The following CDH3 variants were observed in gnomAD, a reference collection of about 807,000 sequenced individuals.
CDH3 encodes cadherin-3.
CDH3 carries 54 observed loss-of-function variants against 82.0 expected under a neutral mutation model. That is an observed-to-expected ratio of 0.66 (90% CI 0.53 to 0.83). CDH3 has a LOEUF of 0.83. Among genes scored for constraint, CDH3 ranks in the 40% least tolerant of loss-of-function variants. CDH3 has a pLI of 0.00. For synonymous variants in CDH3, 446 were observed against 437.9 expected, an observed-to-expected ratio of 1.02 and a Z score of -0.23; for missense variants, 1,054 against 1,084.6, an observed-to-expected ratio of 0.97 and a Z score of 0.40.
intron 2 of CDH3, among the ~76,000 whole-genome samples, chr16:68,653,997 GT>G (rs1160700285): frequency 6.6e-6 from 1 of 151,738 alleles, no homozygotes; most frequent in East Asian, 1.9e-4. Context: ...GATTACAGGC[GT>G]GAGTCACTGC....
chr16:68,680,976 T>G lies in CDH3; in HGVS notation c.876T>G (p.Pro292=). The change falls in exon 8 of 16, where the codon CCT becomes CCG. Residue 292 remains proline (P), a synonymous_variant. Transcript: ENST00000264012. ...CTCTCCTTTCTCCCCAGAAAGTCCC[T>G]GAGTACACACTGACCATCCAGGCCA... ...ISSGLDREKV[P]EYTLTIQATD... 1 of 1,614,072 alleles carries G rather than the reference T, an allele frequency of 6.2e-7. No individual in the cohort carries two copies. Among genetic ancestry groups the G allele is most frequent in the Non-Finnish European group, 8.5e-7 (1 of 1,179,992 alleles).
chr16:68,659,618 A>G (rs551686543), intron 2 of CDH3, among the ~76,000 whole-genome samples: 25 of 151,964 alleles, frequency 1.6e-4, no homozygotes, highest in African/African-American at 6.0e-4. Flanking sequence ...CGGGAGGCAG[A>G]GGTTGCAGTG....
the CDH3 span, among the ~76,000 whole-genome samples, chr16:68,733,406 G>A: frequency 1.3e-5 from 2 of 151,944 alleles, no homozygotes; most frequent in Non-Finnish European, 2.9e-5. Flanking sequence ...TGCGATTACA[G>A]TTGTGAGCCA....
In CDH3 at chr16:68,652,645, T is replaced by G. The variant is rs77837462; in HGVS notation, c.160+6895T>G. On this transcript the variant is annotated intron_variant, in intron 2 of 15. Transcript: ENST00000264012. ...GTGCAGCCCGATGAACATCGCAAAC[T>G]TAAAACCCCTGTGTTTCTGGCGCAC... Among the ~76,000 whole-genome samples, 929 of 152,246 alleles carry G rather than the reference T, an allele frequency of 6.1e-3. 6 individuals carry two copies. The highest frequency in any genetic ancestry group is 0.011 in the Non-Finnish European group (719 of 68,022).
At chr16:68,665,466 G>GT (rs1346481345) in intron 2 of CDH3, among the ~76,000 whole-genome samples, 4 of 152,110 alleles carry the variant, frequency 2.6e-5, no homozygotes, top group African/African-American at 9.7e-5. Context: ...AAGCACCTGG[G>GT]GGTGTGTGTG....
At chr16:68,676,524 C>A in intron 3 of CDH3, 54 bp downstream of exon 3, 2 of 1,414,878 alleles carry the variant, frequency 1.4e-6, no homozygotes, top group African/African-American at 1.4e-5. Flanking sequence ...CTGTGCATGC[C>A]CAAATTGCTG....
intron 2 of CDH3, chr16:68,651,253 A>C (rs919826798): frequency 1.3e-5 from 7 of 539,118 alleles, no homozygotes; most frequent in Non-Finnish European, 2.6e-5. Flanking sequence ...GTTGGTGCCC[A>C]GCTTGGTGTC....
At position 68,651,657 on chromosome 16, in the gene CDH3, A is replaced by C. The variant is rs1483882487; in HGVS notation, c.160+5907A>C. 12 of 506,694 alleles carry C rather than the reference A, an allele frequency of 2.4e-5. 1 individual carries two copies. In the Admixed American group the frequency reaches 2.7e-4, roughly 11 times the overall value. The allele number at this position is 506,694 out of a possible 1,614,324, so 31.4% of individuals were successfully genotyped here. ...GGCCTCAAACAGGTCCATGGGGTTC[A>C]TGCCATAGCTGACTATGGCCTTGAT... is the stretch of plus-strand genomic sequence containing the variant. On this transcript the variant is annotated intron_variant, in intron 2 of 15. Coordinates refer to ENST00000264012, the MANE Select transcript of CDH3 (RefSeq NM_001793.6).
rs373351410 is a variant in CDH3 at position 68,645,344 on chromosome 16, C to T, written c.-36C>T. 1,020 of 1,608,774 alleles carry T rather than the reference C, an allele frequency of 6.3e-4. No homozygotes were observed. Among genetic ancestry groups the T allele is most frequent in the Non-Finnish European group, 8.1e-4 (949 of 1,176,896 alleles). On this transcript the variant is annotated 5_prime_UTR_variant, in exon 1 of 16. Coordinates refer to ENST00000264012, the MANE Select transcript of CDH3 (RefSeq NM_001793.6). ...AGAGCTGAGCGGAACACCGGCCCGCCGTCGCGGCAGCTGCTTCACCCCTCT... is the reference window on the plus strand; with the variant it reads ...AGAGCTGAGCGGAACACCGGCCCGCTGTCGCGGCAGCTGCTTCACCCCTCT...
At chr16:68,676,555 GT>G in intron 3 of CDH3, 85 bp downstream of exon 3, 1 of 1,071,158 alleles carries the variant, frequency 9.3e-7, no homozygotes, top group Non-Finnish European at 1.4e-6. Flanking sequence ...CTTGGTTGCT[GT>G]GGCCATTGTG....
intron 2 of CDH3, among the ~76,000 whole-genome samples, chr16:68,659,333 T>C (rs1960496690): frequency 6.6e-6 from 1 of 151,168 alleles, no homozygotes; most frequent in Non-Finnish European, 1.5e-5. Flanking sequence ...CTGTGGGAGG[T>C]TGAGGTGGGA....
chr16:68,686,417 T>C, intron 11 of CDH3: 2 of 1,369,978 alleles, frequency 1.5e-6, no homozygotes, highest in Non-Finnish European at 2.1e-6. Context: ...TTCCACTCTT[T>C]GACCGAGTAT....
intron 9 of CDH3, 26 bp from the exon 10 acceptor site, chr16:68,684,557 A>G (rs1252016889): frequency 6.2e-7 from 1 of 1,614,018 alleles, no homozygotes; most frequent in Non-Finnish European, 8.5e-7. Context: ...ATGGTGGTCC[A>G]GGTCCTTCTT....
At chr16:68,674,948 A>G (rs1313299064) in intron 2 of CDH3, among the ~76,000 whole-genome samples, 3 of 140,474 alleles carry the variant, frequency 2.1e-5, no homozygotes, top group Admixed American at 7.2e-5. Flanking sequence ...CCCCATCTCT[A>G]CTAAAAATAC....
chr16:68,659,721 T>G (rs933884370), intron 2 of CDH3, among the ~76,000 whole-genome samples: 2 of 150,492 alleles, frequency 1.3e-5, no homozygotes, highest in Non-Finnish European at 1.5e-5. Context: ...GAAAAAGAAA[T>G]AAACACGTGA....
At chr16:68,688,964 A>G (rs1315666244) in intron 12 of CDH3, among the ~76,000 whole-genome samples, 1 of 152,188 alleles carries the variant, frequency 6.6e-6, no homozygotes, top group Non-Finnish European at 1.5e-5. Context: ...ATGGTGTGGA[A>G]AATAAAAAGC....
At chr16:68,688,493 C>CAG (rs1437524542) in intron 12 of CDH3, among the ~76,000 whole-genome samples, 1 of 152,142 alleles carries the variant, frequency 6.6e-6, no homozygotes, top group East Asian at 1.9e-4. Context: ...GAGGCTGAGA[C>CAG]AGAAGAATCG....
chr16:68,728,898 G>A (rs1014228955), downstream of CDH3, among the ~76,000 whole-genome samples: 1 of 152,146 alleles, frequency 6.6e-6, no homozygotes, highest in African/African-American at 2.4e-5. Flanking sequence ...AAATATTTTT[G>A]CCTAAAATAC....
chr16:68,717,236 T>C (rs1020714938), intron 1 of CDH3, among the ~76,000 whole-genome samples: 10 of 152,260 alleles, frequency 6.6e-5, no homozygotes, highest in African/African-American at 2.4e-4. Flanking sequence ...ATATTCATGA[T>C]TAGATAAATT....
Sources: gnomAD v4.1 joint callset for allele counts (sites outside exome capture counted in the v4.1 genomes callset) on GRCh38, gnomAD v4.1.1 for gene constraint, MANE v1.5 for transcripts, NCBI Gene and HGNC (gene_info 2026-07-23, HGNC 2026-07-21) for gene names.